ABLIM1: variants seen among roughly 807,000 people sequenced by gnomAD.
ABLIM1 encodes the protein actin binding LIM protein 1.
Under a neutral mutation model 107.0 loss-of-function variants are expected in ABLIM1, and 40 were observed. The ratio of observed to expected loss-of-function variants is 0.37; its 90% CI spans 0.29 to 0.49. ABLIM1 has a LOEUF of 0.49. Ranked by LOEUF, ABLIM1 falls within the 20% of genes least tolerant of loss-of-function variation. ABLIM1 has a pLI of 0.97. For synonymous variants in ABLIM1, 357 were observed against 357.3 expected (o/e 1.00, Z 0.01); for missense variants, 857 against 1,008.5 (o/e 0.85, Z 2.04).
chr10:114,461,630 C>A (rs1185316971), intron 12 of ABLIM1, among the ~76,000 whole-genome samples: 2 of 151,870 alleles, frequency 1.3e-5, no homozygotes, highest in Non-Finnish European at 2.9e-5. Flanking sequence ...ACCAGCCTGG[C>A]CAACATAGTG....
At chr10:114,747,382 G>GT (rs568809002) in intron 1 of ABLIM1, among the ~76,000 whole-genome samples, 287 of 152,260 alleles carry the variant, frequency 1.9e-3, no homozygotes, top group Non-Finnish European at 3.4e-3. Context: ...TAGGAAGGTC[G>GT]TATCTGCTGT....
chr10:114,578,461 C>A (rs566750519), intron 2 of ABLIM1, among the ~76,000 whole-genome samples: 1 of 149,222 alleles, frequency 6.7e-6, no homozygotes, highest in African/African-American at 2.5e-5. Context: ...GGGTGGAGTG[C>A]AATGGCATGA....
intron 1 of ABLIM1, among the ~76,000 whole-genome samples, chr10:114,679,980 T>C (rs1200976062): frequency 6.6e-6 from 1 of 152,238 alleles, no homozygotes; most frequent in Non-Finnish European, 1.5e-5. Flanking sequence ...CATGTAGTGT[T>C]TGAAATTTTT....
chr10:114,546,676 C>T (rs1410125386), intron 5 of ABLIM1, among the ~76,000 whole-genome samples: 2 of 152,096 alleles, frequency 1.3e-5, no homozygotes, highest in Admixed American at 1.3e-4. Flanking sequence ...CCCAAGCAAC[C>T]TTTTGTTTGC....
chr10:114,785,579 G>C, the ABLIM1 span, among the ~76,000 whole-genome samples: 1 of 151,516 alleles, frequency 6.6e-6, no homozygotes, highest in Non-Finnish European at 1.5e-5. Flanking sequence ...AGATAATTGA[G>C]GTCCTATTTT....
At chr10:114,781,634 G>A in the ABLIM1 span, among the ~76,000 whole-genome samples, 1 of 143,000 alleles carries the variant, frequency 7.0e-6, no homozygotes, top group African/African-American at 2.6e-5. Flanking sequence ...ACATATATAT[G>A]CACGTGTGTG....
At chr10:114,694,756 C>T (rs2081160239) in intron 1 of ABLIM1, among the ~76,000 whole-genome samples, 1 of 152,120 alleles carries the variant, frequency 6.6e-6, no homozygotes, top group Non-Finnish European at 1.5e-5. Context: ...GGGAATTTGA[C>T]ATGAAAAGTC....
chr10:114,555,480 G>A (rs532018505), intron 4 of ABLIM1, among the ~76,000 whole-genome samples: 11 of 152,220 alleles, frequency 7.2e-5, no homozygotes, highest in African/African-American at 2.4e-4. Context: ...TTAAATCTCC[G>A]ATCATGGGTT....
At chr10:114,564,859 A>G (rs917945361) in intron 4 of ABLIM1, among the ~76,000 whole-genome samples, 54 of 152,226 alleles carry the variant, frequency 3.5e-4, no homozygotes, top group African/African-American at 1.1e-3. Flanking sequence ...CTCTAGGCTC[A>G]AGTTCCTGGC....
chr10:114,786,881 A>C, the ABLIM1 span, among the ~76,000 whole-genome samples: 1 of 152,102 alleles, frequency 6.6e-6, no homozygotes, highest in African/African-American at 2.4e-5. Flanking sequence ...TTGGCCTCCC[A>C]AAGTGTGGAG....
intron 10 of ABLIM1, among the ~76,000 whole-genome samples, chr10:114,468,420 G>A (rs868126649): frequency 6.6e-6 from 1 of 151,872 alleles, no homozygotes; most frequent in Admixed American, 6.6e-5. Flanking sequence ...GACTACAGGC[G>A]CCGCCACCAC....
At chr10:114,581,039 A>G (rs2073309527) in intron 2 of ABLIM1, among the ~76,000 whole-genome samples, 1 of 152,206 alleles carries the variant, frequency 6.6e-6, no homozygotes. Flanking sequence ...GCCTGGCTAT[A>G]AAAAGTCCTG....
chr10:114,718,980 T>G (rs1276272784), intron 1 of ABLIM1, among the ~76,000 whole-genome samples: 6 of 152,210 alleles, frequency 3.9e-5, no homozygotes, highest in African/African-American at 1.2e-4. Context: ...GAGGATGCCC[T>G]CATTGAAGAG....
At chr10:114,443,352 G>A (rs1313958015) in intron 17 of ABLIM1, among the ~76,000 whole-genome samples, 5 of 147,382 alleles carry the variant, frequency 3.4e-5, no homozygotes, top group African/African-American at 1.0e-4. Flanking sequence ...CACTCTTGTC[G>A]CCCAGGCTGG....
At chr10:114,798,563 C>G in the ABLIM1 span, among the ~76,000 whole-genome samples, 48 of 125,914 alleles carry the variant, frequency 3.8e-4, no homozygotes, top group Admixed American at 2.3e-4. Flanking sequence ...GAGACCCCCC[C>G]CCCATGTCTA....
At position 114,432,987 on chromosome 10, in the gene ABLIM1, T is replaced by C. The variant is rs1337283969; in HGVS notation, c.*3273A>G. On this transcript the variant is annotated 3_prime_UTR_variant, in exon 23 of 23. Coordinates refer to ENST00000533213, the MANE Select transcript of ABLIM1 (RefSeq NM_002313.7). ...CCTAATAAGTCACACAGAAAGACTA[T>C]GTGATAGCCTGGATTTTCTTGAAGA... 1 of 152,202 alleles carries C rather than the reference T, an allele frequency of 6.6e-6. No homozygotes were observed. Among genetic ancestry groups the C allele is most frequent in the Non-Finnish European group, 1.5e-5 (1 of 68,042 alleles). The allele number at this position is 152,202 out of a possible 1,614,324, so 9.4% of individuals were successfully genotyped here.
the ABLIM1 span, among the ~76,000 whole-genome samples, chr10:114,785,582 C>A: frequency 6.6e-6 from 1 of 151,642 alleles, no homozygotes; most frequent in African/African-American, 2.4e-5. Flanking sequence ...TAATTGAGGT[C>A]CTATTTTTAC....
chr10:114,609,006 CAAA>C (rs111238539), intron 1 of ABLIM1, among the ~76,000 whole-genome samples: 1 of 133,692 alleles, frequency 7.5e-6, no homozygotes, highest in African/African-American at 2.8e-5. Context: ...GACTCTGCCT[CAAA>C]AAAAAAAAAA....
In ABLIM1 at chr10:114,473,053, C is replaced by T. The variant is rs779621634; in HGVS notation, c.1199G>A (p.Arg400His). The T allele has an allele frequency of 5.0e-6, 8 of 1,613,290 alleles. No homozygotes were observed. Among genetic ancestry groups the T allele is most frequent in the South Asian group, 1.1e-5 (1 of 90,898 alleles). Residue 400 changes from arginine to histidine, a missense_variant, in exon 10 of 23, where the codon CGT becomes CAT. Physicochemically the swap from Arg to His is conservative, Grantham distance 29. Coordinates refer to ENST00000533213, the MANE Select transcript of ABLIM1 (RefSeq NM_002313.7). ...AGGCTCATAGGTAATAAGATCTGGA[C>T]GTTCAATGTCATAAATTGCCTTGAC... ...PKVKAIYDIE[R>H]PDLITYEPFY...
Sources: gnomAD v4.1 joint callset for allele counts (sites outside exome capture counted in the v4.1 genomes callset) on GRCh38, gnomAD v4.1.1 for gene constraint, MANE v1.5 for transcripts, NCBI Gene and HGNC (gene_info 2026-07-23, HGNC 2026-07-21) for gene names.